The following ZIM2 variants were observed in gnomAD, a reference collection of about 807,000 sequenced individuals.
ZIM2 encodes zinc finger protein 656.
Under a neutral mutation model 38.6 loss-of-function variants are expected in ZIM2, and 14 were observed. The observed-to-expected ratio is 0.36, with a 90% CI of 0.24 to 0.57. The LOEUF (loss-of-function observed/expected upper bound fraction) is 0.57, where lower values mean the gene tolerates loss of function less well. Among genes scored for constraint, ZIM2 ranks in the 20% least tolerant of loss-of-function variants. The pLI is 0.81. For synonymous variants in ZIM2, 247 were observed against 245.8 expected, an observed-to-expected ratio of 1.00 and a Z score of -0.04; for missense variants, 680 against 695.1, an observed-to-expected ratio of 0.98 and a Z score of 0.24.
chr19:56,829,722 A>C (rs938391569), intron 2 of ZIM2, among the ~76,000 whole-genome samples: 1 of 152,212 alleles, frequency 6.6e-6, no homozygotes, highest in African/African-American at 2.4e-5. Flanking sequence ...TTGCTGCCCA[A>C]AGGGCAACTA....
chr19:56,776,036 G>A (rs1036036825), intron 12 of ZIM2, among the ~76,000 whole-genome samples: 5 of 149,936 alleles, frequency 3.3e-5, no homozygotes, highest in Non-Finnish European at 5.9e-5. Flanking sequence ...GGGAGGTGGA[G>A]GTTGCAGTGA....
intron 9 of ZIM2, chr19:56,817,533 C>A: frequency 6.2e-7 from 1 of 1,602,728 alleles, no homozygotes; most frequent in Non-Finnish European, 8.5e-7. Flanking sequence ...CTTCACAAAT[C>A]CCCCGCCGGT....
chr19:56,817,615 C>A (rs2060099918), intron 9 of ZIM2, 131 bp downstream of exon 9: 9 of 1,555,502 alleles, frequency 5.8e-6, no homozygotes, highest in South Asian at 2.4e-5. Flanking sequence ...ACTCCCTAGT[C>A]CCCATAAGAA....
At chr19:56,824,607 C>T (rs199813390) in intron 3 of ZIM2, 180 bp from the exon 4 acceptor site, 1 of 1,610,084 alleles carries the variant, frequency 6.2e-7, no homozygotes, top group East Asian at 2.2e-5. Flanking sequence ...AGATTTGGGG[C>T]CCAGGACTTC....
intron 9 of ZIM2, chr19:56,811,084 G>A (rs1021490733): frequency 1.0e-6 from 1 of 984,804 alleles, no homozygotes; most frequent in African/African-American, 1.7e-5. Flanking sequence ...TATGTCTTTG[G>A]ATGGTGGGGA....
intron 9 of ZIM2, among the ~76,000 whole-genome samples, chr19:56,796,597 A>G (rs2145958497): frequency 6.6e-6 from 1 of 152,244 alleles, no homozygotes; most frequent in South Asian, 2.1e-4. Flanking sequence ...AGCAAAGCTT[A>G]CCCTCTGGCT....
intron 9 of ZIM2, among the ~76,000 whole-genome samples, chr19:56,794,958 T>C (rs2047119712): frequency 6.6e-6 from 1 of 152,276 alleles, no homozygotes; most frequent in Non-Finnish European, 1.5e-5. Context: ...TTTTGATTAA[T>C]AATACGGCTT....
chr19:56,816,001 T>C (rs147407205), intron 9 of ZIM2: 12 of 1,588,108 alleles, frequency 7.6e-6, no homozygotes, highest in African/African-American at 6.8e-5. Flanking sequence ...TCTCTGATGG[T>C]TGATAGCATC....
chr19:56,837,552 G>T (rs1049705401), intron 1 of ZIM2, among the ~76,000 whole-genome samples: 1 of 152,216 alleles, frequency 6.6e-6, no homozygotes, highest in African/African-American at 2.4e-5. Flanking sequence ...CCCGCTTCCC[G>T]AGGCCTGGCT....
chr19:56,837,943 G>A (rs926217979), intron 1 of ZIM2, among the ~76,000 whole-genome samples: 10 of 152,180 alleles, frequency 6.6e-5, no homozygotes, highest in Non-Finnish European at 1.3e-4. Context: ...ATTGAATGCC[G>A]GCTGCTCTAT....
rs1158622927 is a variant in ZIM2, at chr19:56,779,471, C to T, written c.741G>A (p.Gly247=). The T allele has an allele frequency of 6.2e-7, 1 of 1,613,592 alleles. No homozygotes were observed. The highest frequency in any genetic ancestry group is 1.3e-5 in the African/African-American group (1 of 74,874). ...TAATGTCAGGTTTAGAGAACTGGTG[C>T]CCTGTTGGAGAGGAAGACTGAGAAC... is the stretch of plus-strand genomic sequence containing the variant. ...LENYRNLVSL[G]HQFSKPDIIS... The change falls in exon 12 of 13, where the codon GGG becomes GGA. Residue 247 remains glycine (G), a splice_region_variant and synonymous_variant. Coordinates refer to ENST00000629319, the MANE Select transcript of ZIM2 (RefSeq NM_001387356.1).
chr19:56,810,861 C>T (rs1600844164), intron 9 of ZIM2: 1 of 966,442 alleles, frequency 1.0e-6, no homozygotes, highest in African/African-American at 1.8e-5. Flanking sequence ...CTAATTTTTC[C>T]TCTGGGTATG....
chr19:56,829,794 T>G lies in ZIM2; in HGVS notation c.-226-3331A>C, dbSNP rs555845371. Among the ~76,000 whole-genome samples, 5 of 152,306 alleles carry G rather than the reference T, an allele frequency of 3.3e-5. No individual in the cohort carries two copies. In the South Asian group the frequency reaches 1.0e-3, roughly 32 times the overall value. ...GGCCACATACTTACCTCACCCTGAC[T>G]GGGGAAGACCAGATCCCACGTGACC... On this transcript the variant is annotated intron_variant, in intron 2 of 12. Transcript: ENST00000629319.
chr19:56,808,191 T>C (rs2047851045), intron 9 of ZIM2, among the ~76,000 whole-genome samples: 1 of 152,170 alleles, frequency 6.6e-6, no homozygotes, highest in South Asian at 2.1e-4. Flanking sequence ...GGGGTCAGGA[T>C]AGTCCACCAA....
At chr19:56,816,608 G>A (rs753415356) in intron 9 of ZIM2, 1 of 1,613,902 alleles carries the variant, frequency 6.2e-7, no homozygotes, top group Admixed American at 1.7e-5. Flanking sequence ...TTAAGGGCTG[G>A]GCTGGGCCTA....
At chr19:56,799,699 A>G (rs1276926557) in intron 9 of ZIM2, 2 of 152,256 alleles carry the variant, frequency 1.3e-5, no homozygotes, top group African/African-American at 4.8e-5. Context: ...AAATAAAAAC[A>G]TATGGCCACA....
intron 12 of ZIM2, among the ~76,000 whole-genome samples, chr19:56,776,455 C>T (rs2046014854): frequency 6.6e-6 from 1 of 152,146 alleles, no homozygotes; most frequent in Non-Finnish European, 1.5e-5. Context: ...CAGAATGTGG[C>T]ATTTCTTAAA....
intron 1 of ZIM2, among the ~76,000 whole-genome samples, chr19:56,837,192 T>C (rs566124939): frequency 6.6e-6 from 1 of 152,172 alleles, no homozygotes; most frequent in South Asian, 2.1e-4. Context: ...GGCAGCCCTC[T>C]AGCGGCTCTG....
intron 10 of ZIM2, 81 bp from the exon 11 acceptor site, chr19:56,782,202 C>A: frequency 1.3e-6 from 2 of 1,546,764 alleles, no homozygotes; most frequent in South Asian, 1.2e-5. Flanking sequence ...AGAGCTTCCA[C>A]GTGCTCTAAT....
Sources: gnomAD v4.1 joint callset for allele counts (sites outside exome capture counted in the v4.1 genomes callset) on GRCh38, gnomAD v4.1.1 for gene constraint, MANE v1.5 for transcripts, NCBI Gene and HGNC (gene_info 2026-07-23, HGNC 2026-07-21) for gene names.